The following PYGB variants were observed in gnomAD, a reference collection of about 807,000 sequenced individuals.
PYGB encodes the protein glycogen phosphorylase B, also known as glycogen phosphorylase, brain form.
In PYGB, 82 loss-of-function variants were observed where a neutral mutation model predicts 94.3. That is an observed-to-expected ratio of 0.87 (90% CI 0.73 to 1.04). PYGB has a LOEUF of 1.04. Among genes scored for constraint, PYGB ranks in the 50% least tolerant of loss-of-function variants. The pLI, the probability that PYGB is intolerant of heterozygous loss-of-function variation, is 0.00. For synonymous variants in PYGB, 488 were observed against 479.1 expected, an observed-to-expected ratio of 1.02 and a Z score of -0.24; for missense variants, 1,132 against 1,158.2, an observed-to-expected ratio of 0.98 and a Z score of 0.33.
intron 1 of PYGB, among the ~76,000 whole-genome samples, chr20:25,258,181 G>C (rs2092906300): frequency 6.6e-6 from 1 of 152,226 alleles, no homozygotes; most frequent in South Asian, 2.1e-4. Context: ...GGTATTTATA[G>C]AGTATTCTTA....
chr20:25,267,956 C>T lies in PYGB; in HGVS notation c.346-1173C>T, dbSNP rs182391597. 2.1e-3 allele frequency among the ~76,000 whole-genome samples: 313 copies of T among 152,170 alleles called. 2 individuals carry two copies. Among genetic ancestry groups the T allele is most frequent in the Middle Eastern group, 0.014 (4 of 294 alleles). ...CTAAACATCTTTGATTATGTTGACT[C>T]GTAGCCTATCTTTAGAAAAATATGT... On this transcript the variant is annotated intron_variant, in intron 2 of 19. Coordinates refer to ENST00000216962, the MANE Select transcript of PYGB (RefSeq NM_002862.4).
intron 8 of PYGB, 117 bp downstream of exon 8, chr20:25,278,579 T>C: frequency 7.3e-7 from 1 of 1,370,560 alleles, no homozygotes; most frequent in Non-Finnish European, 9.8e-7. Flanking sequence ...GCCCCTTGTC[T>C]TGGGGTCTCG....
At chr20:25,293,017 T>C (rs755867726) in intron 17 of PYGB, among the ~76,000 whole-genome samples, 34 of 152,092 alleles carry the variant, frequency 2.2e-4, no homozygotes, top group Non-Finnish European at 4.3e-4. Flanking sequence ...CCGGGAGCAC[T>C]CTGCTGATTT....
At chr20:25,294,335 GGA>G in intron 18 of PYGB, 43 bp downstream of exon 18, 1 of 722,902 alleles carries the variant, frequency 1.4e-6, no homozygotes, top group East Asian at 4.9e-5. Context: ...AGGGAGGGAG[GGA>G]GGGAGGGGTC....
At position 25,248,138 on chromosome 20, in the gene PYGB, C is replaced by T. The variant is rs201514044; in HGVS notation, c.-41C>T. 1.2e-5 allele frequency: 18 copies of T among 1,543,224 alleles called. No homozygotes were observed. The South Asian group carries it at 2.1e-4, about 18-fold the overall frequency. On this transcript the variant is annotated 5_prime_UTR_variant, in exon 1 of 20. Coordinates refer to ENST00000216962, the MANE Select transcript of PYGB (RefSeq NM_002862.4). ...ATCCCGGCGTTCGCGTGTGCCGCCG[C>T]TTTCCTCCTCCATCTCTTTTCCTCC...
chr20:25,285,360 TGAGACTCGC>T (rs1371381907), intron 14 of PYGB: 1 of 152,234 alleles, frequency 6.6e-6, no homozygotes, highest in Non-Finnish European at 1.5e-5. Context: ...TGAGCGGCAG[TGAGACTCGC>T]GGGTCACCCC....
chr20:25,264,401 C>T (rs1464457103), intron 2 of PYGB, among the ~76,000 whole-genome samples: 1 of 152,158 alleles, frequency 6.6e-6, no homozygotes, highest in Non-Finnish European at 1.5e-5. Context: ...TCCTATTCAA[C>T]ATAGTGTTGG....
intron 5 of PYGB, among the ~76,000 whole-genome samples, chr20:25,275,312 C>T (rs899044530): frequency 8.5e-5 from 13 of 152,238 alleles, no homozygotes; most frequent in Middle Eastern, 3.2e-3. Flanking sequence ...TCGGCAGCGA[C>T]GGGTGCCAGG....
chr20:25,249,255 C>T (rs1351238660), intron 1 of PYGB, among the ~76,000 whole-genome samples: 1 of 152,134 alleles, frequency 6.6e-6, no homozygotes, highest in African/African-American at 2.4e-5. Context: ...TTTTCTGTTT[C>T]ATTCGTAAAC....
At chr20:25,265,592 ATTT>A (rs34336965) in intron 2 of PYGB, among the ~76,000 whole-genome samples, 7 of 119,628 alleles carry the variant, frequency 5.9e-5, no homozygotes, top group Admixed American at 1.7e-4. Context: ...TTGTTGTTGA[ATTT>A]TTTTTTTTTT....
chr20:25,294,067 G>A, intron 17 of PYGB, 91 bp from the exon 18 acceptor site: 1 of 1,536,454 alleles, frequency 6.5e-7, no homozygotes, highest in South Asian at 1.2e-5. Context: ...CCATCCTGGG[G>A]CAGGGGCTGT....
intron 1 of PYGB, among the ~76,000 whole-genome samples, chr20:25,250,508 C>T (rs2092884734): frequency 6.6e-6 from 1 of 152,196 alleles, no homozygotes; most frequent in Non-Finnish European, 1.5e-5. Flanking sequence ...AGCTGTGTGC[C>T]TATTCTGAAT....
At chr20:25,288,557 TCATGGTGCCACCACATC>T in intron 15 of PYGB, 74 bp downstream of exon 15, 1 of 1,509,536 alleles carries the variant, frequency 6.6e-7, no homozygotes, top group Non-Finnish European at 9.1e-7. Flanking sequence ...TGCACGCTTC[TCATGGTGCCACCACATC>T]CATACTCGGG....
At chr20:25,261,531 A>G (rs2092913547) in intron 2 of PYGB, among the ~76,000 whole-genome samples, 1 of 152,248 alleles carries the variant, frequency 6.6e-6, no homozygotes. Context: ...AGATGGGGAG[A>G]AACCAGAGCA....
intron 2 of PYGB, among the ~76,000 whole-genome samples, chr20:25,264,843 C>G (rs183073644): frequency 3.3e-5 from 5 of 152,302 alleles, no homozygotes; most frequent in Admixed American, 2.6e-4. Flanking sequence ...TGAAAATGGT[C>G]CTACTGCCCA....
chr20:25,277,386 GGGCT>G, intron 7 of PYGB, 60 bp downstream of exon 7: 1 of 1,490,128 alleles, frequency 6.7e-7, no homozygotes, highest in African/African-American at 1.4e-5. Context: ...ATAGAGAGGT[GGGCT>G]GGCTGGCCGG....
Position 25,296,471 on chromosome 20 carries a change from T to C in PYGB, c.2481T>C (p.Gly827=), listed in dbSNP as rs746552286. 6.8e-6 allele frequency: 11 copies of C among 1,613,570 alleles called. No homozygotes were observed. In the South Asian group the frequency reaches 9.9e-5, roughly 14 times the overall value. The change falls in exon 20 of 20, where the codon GGT becomes GGC. Residue 827 remains glycine, a synonymous_variant. Coordinates refer to ENST00000216962, the MANE Select transcript of PYGB (RefSeq NM_002862.4). ...CGGAGTATGCACGGGAGATCTGGGG[T>C]GTGGAGCCCTCCGACCTGCAGATCC... ...TITEYAREIW[G]VEPSDLQIPP... is the part of the protein sequence containing the mutation.
chr20:25,252,704 C>CT (rs763146910), intron 1 of PYGB, among the ~76,000 whole-genome samples: 2 of 152,272 alleles, frequency 1.3e-5, no homozygotes, highest in Non-Finnish European at 2.9e-5. Flanking sequence ...TCCATTCCCT[C>CT]TGCAGGTGCC....
At chr20:25,282,223 G>A (rs2088374828) in intron 12 of PYGB, 76 bp downstream of exon 12, 1 of 1,251,450 alleles carries the variant, frequency 8.0e-7, no homozygotes, top group Admixed American at 2.0e-5. Flanking sequence ...AGCCCCTGCT[G>A]AGCGGTTGCT....
Sources: gnomAD v4.1 joint callset for allele counts (sites outside exome capture counted in the v4.1 genomes callset) on GRCh38, gnomAD v4.1.1 for gene constraint, MANE v1.5 for transcripts, NCBI Gene and HGNC (gene_info 2026-07-23, HGNC 2026-07-21) for gene names.